The following KCNMA1 variants were observed in gnomAD, a reference collection of about 807,000 sequenced individuals.
KCNMA1 encodes potassium calcium-activated channel subfamily M alpha 1, also known as Calcium-activated potassium channel subunit alpha-1.
In KCNMA1, 29 loss-of-function variants were observed where a neutral mutation model predicts 140.0. The observed-to-expected ratio is 0.21, with a 90% confidence interval of 0.15 to 0.28. The LOEUF is 0.28. KCNMA1 is among the 10% of genes least tolerant of loss of function. KCNMA1 has a pLI of 1.00. For synonymous variants in KCNMA1, 612 were observed against 611.9 expected, an observed-to-expected ratio of 1.00 and a Z score of 0.00; for missense variants, 880 against 1,602.2, an observed-to-expected ratio of 0.55 and a Z score of 7.70.
chr10:77,627,474 C>T (rs965980596), intron 1 of KCNMA1, among the ~76,000 whole-genome samples: 1 of 152,142 alleles, frequency 6.6e-6, no homozygotes, highest in Non-Finnish European at 1.5e-5. Context: ...CAGAATGGGT[C>T]GTTTTCTGAA....
intron 3 of KCNMA1, among the ~76,000 whole-genome samples, chr10:77,243,751 G>A (rs1004366667): frequency 3.3e-5 from 5 of 152,138 alleles, no homozygotes; most frequent in African/African-American, 7.2e-5. Flanking sequence ...TCTTCAATGC[G>A]TTCAGCCCTG....
chr10:77,557,641 A>C (rs1457356223), intron 1 of KCNMA1, among the ~76,000 whole-genome samples: 1 of 127,104 alleles, frequency 7.9e-6, no homozygotes, highest in African/African-American at 3.2e-5. Flanking sequence ...CTGCCCAGGA[A>C]GTGATTTTTT....
At position 77,619,339 on chromosome 10, in the gene KCNMA1, TC is replaced by T. The variant is rs1567909334; in HGVS notation, c.378+17925del. ...GTCTCTCTCTCTCTCTCTCTCTCTC[TC>T]TCTCTCGTATGCCCACGCACATGCT... On this transcript the variant is annotated intron_variant, in intron 1 of 27. Transcript: ENST00000286628. Among the ~76,000 whole-genome samples, 537 of 149,352 alleles carry T rather than the reference TC, an allele frequency of 3.6e-3. 4 individuals are homozygous for T. Among genetic ancestry groups the T allele is most frequent in the South Asian group, 4.9e-3 (23 of 4,668 alleles).
intron 14 of KCNMA1, among the ~76,000 whole-genome samples, chr10:77,070,477 T>A (rs2153701339): frequency 6.6e-6 from 1 of 152,252 alleles, no homozygotes; most frequent in Non-Finnish European, 1.5e-5. Flanking sequence ...GAGCTAACAC[T>A]TTACCTTGGC....
chr10:76,928,281 A>ACGCG (rs1388776203), intron 23 of KCNMA1, among the ~76,000 whole-genome samples: 15 of 105,284 alleles, frequency 1.4e-4, no homozygotes, highest in East Asian at 6.1e-4. Flanking sequence ...ACACACGAAC[A>ACGCG]CGCGCGCGCA....
Position 77,010,010 on chromosome 10 carries a change from T to C in KCNMA1, c.2092+1957A>G, listed in dbSNP as rs142132993. ...ACCACTCCATCCCTGAAACCAAAAA[T>C]AGCAGCTCATCCAAAGAAGATACTC... On this transcript the variant is annotated intron_variant, in intron 18 of 27. Coordinates refer to ENST00000286628, the MANE Select transcript of KCNMA1 (RefSeq NM_001161352.2). 2.6e-5 allele frequency among the ~76,000 whole-genome samples: 4 copies of C among 152,246 alleles called. No homozygotes were observed. In the East Asian group the frequency reaches 7.7e-4, roughly 29 times the overall value.
In KCNMA1 at chr10:77,576,026, T is replaced by C. The variant is rs752508001; in HGVS notation, c.378+61239A>G. ...TAGCCTTAGGCTTCTCAGCCATGGA[T>C]TGGGGAGAATGGCTCCTGGCTTGAG... On this transcript the variant is annotated intron_variant, in intron 1 of 27. Transcript: ENST00000286628. 5.6e-4 allele frequency among the ~76,000 whole-genome samples: 85 copies of C among 152,364 alleles called. 1 individual carries two copies. Among genetic ancestry groups the C allele is most frequent in the Admixed American group, 1.5e-3 (23 of 15,302 alleles).
At chr10:77,020,245 T>C (rs1033863356) in intron 16 of KCNMA1, 1 of 152,188 alleles carries the variant, frequency 6.6e-6, no homozygotes, top group Non-Finnish European at 1.5e-5. Context: ...ATAATCTTTT[T>C]TCCTACTGAT....
chr10:76,966,810 C>T (rs190795795), intron 20 of KCNMA1, among the ~76,000 whole-genome samples: 1 of 152,258 alleles, frequency 6.6e-6, no homozygotes, highest in East Asian at 1.9e-4. Context: ...CCAAATTTAT[C>T]CATCATTACA....
intron 2 of KCNMA1, among the ~76,000 whole-genome samples, chr10:77,392,140 A>G (rs2095852715): frequency 7.6e-6 from 1 of 130,872 alleles, no homozygotes; most frequent in Admixed American, 7.7e-5. Context: ...GCGAGGAAGG[A>G]AGGGAGGGAG....
rs529792165 is a variant in KCNMA1, at chr10:77,280,074, TC to T, written c.541-28819del. On this transcript the variant is annotated intron_variant, in intron 2 of 27. Coordinates refer to ENST00000286628, the MANE Select transcript of KCNMA1 (RefSeq NM_001161352.2). ...CCAGTTTCCTTTGAAAACTTCCAGA[TC>T]CTTCCTCCTCTAATAGAGAACACCA... 3.4e-3 allele frequency among the ~76,000 whole-genome samples: 524 copies of T among 152,302 alleles called. 2 individuals are homozygous for T. The highest frequency in any genetic ancestry group is 5.6e-3 in the Non-Finnish European group (381 of 68,024).
chr10:77,637,792 G>C lies in KCNMA1; in HGVS notation c.-150C>G. On this transcript the variant is annotated 5_prime_UTR_variant, in exon 1 of 28. Transcript: ENST00000286628. ...CGGGAGGGGGGCGGGGAGGCGCCTG[G>C]GCTCGGGGCGCTGTGCGCGACCTGG... 7.9e-7 allele frequency: 1 copy of C among 1,258,626 alleles called. No individual in the cohort carries two copies. The highest frequency in any genetic ancestry group is 9.9e-7 in the Non-Finnish European group (1 of 1,005,110). 78.0% of individuals were successfully genotyped at this position (1,258,626 alleles called of 1,614,324 possible). A position where few individuals can be genotyped will look rare whatever the true frequency, so the allele number is the denominator to read the frequency against.
intron 15 of KCNMA1, among the ~76,000 whole-genome samples, chr10:77,035,004 C>T (rs1018316823): frequency 4.6e-5 from 7 of 152,112 alleles, no homozygotes; most frequent in Non-Finnish European, 7.4e-5. Context: ...CCCCTCCCCT[C>T]CCCTCTGCCC....
intron 1 of KCNMA1, among the ~76,000 whole-genome samples, chr10:77,506,577 G>C (rs1270737295): frequency 1.5e-5 from 1 of 65,826 alleles, no homozygotes; most frequent in East Asian, 6.7e-4. Context: ...TTCCTAGAGA[G>C]AGAGAGAGAG....
At chr10:77,476,250 G>GC (rs1307071795) in intron 1 of KCNMA1, among the ~76,000 whole-genome samples, 4 of 152,136 alleles carry the variant, frequency 2.6e-5, no homozygotes, top group Non-Finnish European at 5.9e-5. Context: ...ATGTCAAAAG[G>GC]CCATCCGCAA....
chr10:77,439,551 G>C (rs2097350701), intron 1 of KCNMA1, among the ~76,000 whole-genome samples: 1 of 152,148 alleles, frequency 6.6e-6, no homozygotes, highest in Admixed American at 6.5e-5. Flanking sequence ...GCTCAAAGCA[G>C]GGAGAGATGG....
At chr10:77,393,856 C>A (rs773659724) in intron 2 of KCNMA1, among the ~76,000 whole-genome samples, 2 of 152,228 alleles carry the variant, frequency 1.3e-5, no homozygotes, top group Admixed American at 1.3e-4. Flanking sequence ...CAGGCCCCAA[C>A]AGAGACTGAA....
intron 2 of KCNMA1, among the ~76,000 whole-genome samples, chr10:77,283,128 A>G (rs936196623): frequency 6.6e-6 from 1 of 152,228 alleles, no homozygotes; most frequent in African/African-American, 2.4e-5. Context: ...AGTCTGCGGC[A>G]ACAGATGAGT....
At chr10:77,098,016 G>A (rs2096980632) in intron 9 of KCNMA1, among the ~76,000 whole-genome samples, 1 of 152,194 alleles carries the variant, frequency 6.6e-6, no homozygotes, top group South Asian at 2.1e-4. Context: ...TCCCACCTGG[G>A]CCAAAACTTT....
Sources: gnomAD v4.1 joint callset for allele counts (sites outside exome capture counted in the v4.1 genomes callset) on GRCh38, gnomAD v4.1.1 for gene constraint, MANE v1.5 for transcripts, NCBI Gene and HGNC (gene_info 2026-07-23, HGNC 2026-07-21) for gene names.